The following ASAP1 variants were observed in gnomAD, a reference collection of about 807,000 sequenced individuals.
ASAP1 encodes the protein arf-GAP with SH3 domain, ANK repeat and PH domain-containing protein 1.
A neutral mutation model predicts 145.2 loss-of-function variants in ASAP1; 43 were observed. The ratio of observed to expected loss-of-function variants is 0.30; its 90% CI spans 0.23 to 0.38. The LOEUF (loss-of-function observed/expected upper bound fraction) is 0.38. Among genes scored for constraint, ASAP1 ranks in the 10% least tolerant of loss-of-function variants. The pLI is 1.00. For missense variants in ASAP1, 1,018 were observed against 1,355.3 expected (o/e 0.75, Z 3.91); for synonymous variants, 546 against 515.5 (o/e 1.06, Z -0.80).
chr8:130,366,917 G>GTT, intron 2 of ASAP1, among the ~76,000 whole-genome samples: 1 of 101,170 alleles, frequency 9.9e-6, no homozygotes, highest in African/African-American at 3.8e-5. Flanking sequence ...TTGAGACAGA[G>GTT]TCTTTCTCTG....
chr8:130,425,945 CCA>C (rs904031290), intron 1 of ASAP1, among the ~76,000 whole-genome samples: 10 of 152,140 alleles, frequency 6.6e-5, no homozygotes, highest in African/African-American at 2.2e-4. Flanking sequence ...TCAGCCGTCC[CCA>C]CCACTGCCGC....
chr8:130,378,535 A>T (rs567612602), intron 2 of ASAP1, among the ~76,000 whole-genome samples: 4 of 152,236 alleles, frequency 2.6e-5, no homozygotes, highest in Non-Finnish European at 4.4e-5. Flanking sequence ...GTGCAATGAA[A>T]ACAAATAACA....
At chr8:130,323,324 A>C (rs932341643) in intron 3 of ASAP1, among the ~76,000 whole-genome samples, 1 of 152,204 alleles carries the variant, frequency 6.6e-6, no homozygotes, top group Non-Finnish European at 1.5e-5. Flanking sequence ...ATGTTTTTAA[A>C]CACTAGTGTA....
intron 3 of ASAP1, among the ~76,000 whole-genome samples, chr8:130,317,750 G>C (rs1196786444): frequency 6.6e-6 from 1 of 152,240 alleles, no homozygotes; most frequent in African/African-American, 2.4e-5. Context: ...GAATGTAGCA[G>C]ATGTTCAGCA....
chr8:130,057,944 T>C lies in ASAP1; in HGVS notation c.3315+10A>G. On this transcript the variant is annotated intron_variant, in intron 29 of 29. Coordinates refer to ENST00000518721, the MANE Select transcript of ASAP1 (RefSeq NM_018482.4). Reference sequence around the variant, plus strand: ...ATGTACGGATGAAGTGGATGGATATTCGTACGTACCCACCACTCCTGGTCC... The same window carrying C: ...ATGTACGGATGAAGTGGATGGATATCCGTACGTACCCACCACTCCTGGTCC... 2.5e-6 allele frequency: 4 copies of C among 1,613,746 alleles called. No homozygotes were observed. The highest frequency in any genetic ancestry group is 2.5e-6 in the Non-Finnish European group (3 of 1,179,644).
At chr8:130,386,875 A>G (rs1340650071) in intron 2 of ASAP1, 1 of 152,220 alleles carries the variant, frequency 6.6e-6, no homozygotes, top group East Asian at 1.9e-4. Flanking sequence ...GCATGTTTGC[A>G]CCGTGGAAGT....
In ASAP1 at chr8:130,128,111, G is replaced by C. The variant is rs1403728319; in HGVS notation, c.1218-21C>G. ...TCCATCTGTTGGTAAAAACATAAGA[G>C]GAAAAAAGTCTTTATAAGAGCATGG... On this transcript the variant is annotated intron_variant, in intron 15 of 29. Transcript: ENST00000518721. 1.1e-5 allele frequency: 13 copies of C among 1,236,940 alleles called. No individual in the cohort carries two copies. In the Admixed American group the frequency reaches 2.8e-4, roughly 27 times the overall value. The allele number at this position is 1,236,940 out of a possible 1,614,324, so 76.6% of individuals were successfully genotyped here. A position where few individuals can be genotyped will look rare whatever the true frequency, so the allele number is the denominator to read the frequency against.
chr8:130,393,533 A>C (rs1253881982), intron 2 of ASAP1, among the ~76,000 whole-genome samples: 1 of 152,202 alleles, frequency 6.6e-6, no homozygotes, highest in Non-Finnish European at 1.5e-5. Flanking sequence ...AGGCGGGCAG[A>C]TCACTTGAGG....
chr8:130,123,784 C>T (rs1413008341), intron 18 of ASAP1, among the ~76,000 whole-genome samples: 7 of 152,190 alleles, frequency 4.6e-5, no homozygotes, highest in Admixed American at 1.3e-4. Flanking sequence ...CCTGCCACCA[C>T]GCCCGGCTAA....
At chr8:130,149,409 C>A (rs1478933285) in intron 13 of ASAP1, among the ~76,000 whole-genome samples, 1 of 151,882 alleles carries the variant, frequency 6.6e-6, no homozygotes, top group Non-Finnish European at 1.5e-5. Flanking sequence ...TGAATGAAAT[C>A]TTCTAAGGAT....
intron 19 of ASAP1, 99 bp downstream of exon 19, chr8:130,118,390 G>A (rs1474977606): frequency 7.2e-7 from 1 of 1,386,450 alleles, no homozygotes; most frequent in Non-Finnish European, 9.9e-7. Context: ...GCCACCCAAT[G>A]TATAAGAATC....
chr8:130,115,991 G>A (rs2097555219), intron 22 of ASAP1, among the ~76,000 whole-genome samples: 1 of 152,062 alleles, frequency 6.6e-6, no homozygotes, highest in South Asian at 2.1e-4. Context: ...TTATTAAATG[G>A]GCCTCAAACT....
intron 2 of ASAP1, 152 bp downstream of exon 2, chr8:130,401,733 G>A: frequency 3.0e-6 from 2 of 659,140 alleles, no homozygotes; most frequent in Non-Finnish European, 5.1e-6. Context: ...ACAAATGCTA[G>A]AGATCTGTTC....
chr8:130,358,240 C>T lies in ASAP1; in HGVS notation c.60-97G>A, dbSNP rs888409600. On this transcript the variant is annotated intron_variant, in intron 2 of 29. Coordinates refer to ENST00000518721, the MANE Select transcript of ASAP1 (RefSeq NM_018482.4). This position sits in a 1 kb window ranked among gnomAD's most constrained non-coding sequence, Gnocchi z 4.1. ...GCCCGGAGGCTCATGAACCCCGGCG[C>T]GCAGCCCGCCACCCGCCGCCCGGCC... 3.9e-5 allele frequency: 37 copies of T among 960,694 alleles called. No homozygotes were observed. Among genetic ancestry groups the T allele is most frequent in the Non-Finnish European group, 4.7e-5 (36 of 769,726 alleles). The allele number at this position is 960,694 out of a possible 1,614,324, so 59.5% of individuals were successfully genotyped here.
intron 3 of ASAP1, among the ~76,000 whole-genome samples, chr8:130,346,416 T>C (rs1330087722): frequency 6.6e-6 from 1 of 152,254 alleles, no homozygotes; most frequent in Non-Finnish European, 1.5e-5. Flanking sequence ...ATTTCCTGTT[T>C]GTTCTTTTTC....
chr8:130,189,714 T>C (rs1815003859), intron 5 of ASAP1, among the ~76,000 whole-genome samples: 1 of 152,190 alleles, frequency 6.6e-6, no homozygotes, highest in Non-Finnish European at 1.5e-5. Context: ...TCTTTTTAGT[T>C]TTCTGAGGAG....
intron 12 of ASAP1, among the ~76,000 whole-genome samples, chr8:130,158,129 C>T (rs975439190): frequency 2.0e-5 from 3 of 151,904 alleles, no homozygotes; most frequent in Non-Finnish European, 4.4e-5. Context: ...AAACAAATTA[C>T]AGTAAAAAAT....
chr8:130,253,109 T>C (rs1294697933), intron 3 of ASAP1, among the ~76,000 whole-genome samples: 2 of 152,206 alleles, frequency 1.3e-5, no homozygotes, highest in African/African-American at 2.4e-5. Context: ...AATTTTTGTC[T>C]GAGATGGAGA....
chr8:130,167,159 C>T (rs1021007164), intron 11 of ASAP1, among the ~76,000 whole-genome samples: 1 of 152,014 alleles, frequency 6.6e-6, no homozygotes, highest in African/African-American at 2.4e-5. Flanking sequence ...CAAAAATTAT[C>T]CAGGCATGGT....
Sources: gnomAD v4.1 joint callset for allele counts (sites outside exome capture counted in the v4.1 genomes callset) on GRCh38, gnomAD v4.1.1 for gene constraint, Gnocchi (gnomAD v3.1) non-coding constraint, MANE v1.5 for transcripts, NCBI Gene and HGNC (gene_info 2026-07-23, HGNC 2026-07-21) for gene names.